The following ELFN2 variants were observed in gnomAD, a reference collection of about 807,000 sequenced individuals.
ELFN2 encodes protein phosphatase 1 regulatory subunit 29.
Under a neutral mutation model 45.5 loss-of-function variants are expected in ELFN2, and 17 were observed. The observed-to-expected ratio is 0.37, with a 90% CI of 0.26 to 0.56. The LOEUF (loss-of-function observed/expected upper bound fraction) is 0.56. Ranked by LOEUF, ELFN2 falls within the 20% of genes least tolerant of loss-of-function variation. The pLI is 0.77. For synonymous variants in ELFN2, 550 were observed against 551.5 expected, an observed-to-expected ratio of 1.00 and a Z score of 0.04; for missense variants, 922 against 1,183.2, an observed-to-expected ratio of 0.78 and a Z score of 3.24.
downstream of ELFN2, among the ~76,000 whole-genome samples, chr22:37,365,013 G>A (rs368441171): frequency 2.2e-4 from 34 of 152,270 alleles, no homozygotes; most frequent in African/African-American, 8.2e-4. Context: ...GGAGCAGGTG[G>A]GGCAGGGGTC....
At chr22:37,381,374 A>G (rs1373633226) in intron 2 of ELFN2, among the ~76,000 whole-genome samples, 3 of 152,052 alleles carry the variant, frequency 2.0e-5, no homozygotes, top group Admixed American at 1.3e-4. Context: ...AGAGATTTCG[A>G]TGTTTCCATC....
chr22:37,354,392 T>C (rs1172307269), intron 1 of ELFN2: 7 of 152,272 alleles, frequency 4.6e-5, no homozygotes, highest in Non-Finnish European at 7.3e-5. Flanking sequence ...ACTTCAGTTA[T>C]AATTAACTTC....
chr22:37,420,463 C>T (rs532186104), intron 1 of ELFN2: 140 of 153,158 alleles, frequency 9.1e-4, no homozygotes, highest in Non-Finnish European at 1.5e-3. Flanking sequence ...CCTCCACCTC[C>T]GCCTCTGGCC....
chr22:37,408,697 G>A (rs1444606334), intron 2 of ELFN2, among the ~76,000 whole-genome samples: 3 of 152,148 alleles, frequency 2.0e-5, no homozygotes, highest in Admixed American at 6.5e-5. Context: ...ACACAGCAAG[G>A]CAGTCAGGTT....
At chr22:37,344,949 C>T (rs6000680) in intron 1 of ELFN2, among the ~76,000 whole-genome samples, 53,124 of 152,004 alleles carry the variant, frequency 0.35, 9,754 homozygotes, top group Non-Finnish European at 0.41. Flanking sequence ...GGGCCCTCCC[C>T]GTTCTCTTCC....
rs771563240 is a variant in ELFN2 at position 37,373,461 on chromosome 22, C to T, written c.2074G>A (p.Gly692Arg). 1.2e-5 allele frequency: 18 copies of T among 1,529,022 alleles called. No individual in the cohort carries two copies. The South Asian group carries it at 1.5e-4, about 12-fold the overall frequency. 94.7% of individuals were successfully genotyped at this position (1,529,022 alleles called of 1,614,324 possible). ...TTCACCTCCAGGTGGTGGATGCCCCCGCCCCCGCCGCTGCCCCCGCCGCTG... is the reference window on the plus strand; with the variant it reads ...TTCACCTCCAGGTGGTGGATGCCCCTGCCCCCGCCGCTGCCCCCGCCGCTG... ...AGSGGGSGGG[G>R]GIHHLEVKPA... The change falls in exon 3 of 3, where the codon GGG (glycine) becomes AGG (arginine). Residue 692 changes from glycine (G) to arginine (R), a missense_variant. Gly to Arg is a moderately radical substitution (Grantham distance 125, BLOSUM62 -2). Transcript: ENST00000402918.
chr22:37,388,817 G>A (rs368759341), intron 2 of ELFN2, among the ~76,000 whole-genome samples: 2 of 152,322 alleles, frequency 1.3e-5, no homozygotes, highest in East Asian at 3.9e-4. Context: ...GAGGGTGGCT[G>A]ATAGGGCAGA....
chr22:37,379,056 G>A (rs1371101654), intron 2 of ELFN2, among the ~76,000 whole-genome samples: 1 of 152,254 alleles, frequency 6.6e-6, no homozygotes, highest in African/African-American at 2.4e-5. Context: ...GAGACGGGAA[G>A]AAGGGGGTGC....
chr22:37,361,411 G>A (rs368954051), intron 1 of ELFN2, among the ~76,000 whole-genome samples: 1 of 144,290 alleles, frequency 6.9e-6, no homozygotes, highest in Non-Finnish European at 1.5e-5. Flanking sequence ...AGAAGTTCCT[G>A]CCAGCCCCAC....
intron 2 of ELFN2, among the ~76,000 whole-genome samples, chr22:37,392,119 G>A (rs1932099934): frequency 6.6e-6 from 1 of 152,122 alleles, no homozygotes; most frequent in African/African-American, 2.4e-5. Flanking sequence ...CCATCTTAAG[G>A]GAATTTAACT....
rs1391890750 is a variant in ELFN2 at position 37,417,217 on chromosome 22, A to G, written c.-463+552T>C. ...CCTGTCTGCCTGTTTGCGGCCTCCT[A>G]GTGCCAGACGGCTCTCCCTGTGCCT... On this transcript the variant is annotated intron_variant, in intron 2 of 2. Transcript: ENST00000402918. This position sits in a 1 kb window ranked among gnomAD's most constrained non-coding sequence, Gnocchi z 4.5. Among the ~76,000 whole-genome samples the G allele has an allele frequency of 6.6e-6, 1 of 152,090 alleles. No individual in the cohort carries two copies. The highest frequency in any genetic ancestry group is 1.9e-4 in the East Asian group (1 of 5,188).
chr22:37,364,269 G>A (rs573881685), downstream of ELFN2, among the ~76,000 whole-genome samples: 5 of 152,324 alleles, frequency 3.3e-5, no homozygotes, highest in South Asian at 1.0e-3. Flanking sequence ...CAGGGTGGTG[G>A]CGGCAGCAAG....
chr22:37,364,824 C>T (rs893835260), downstream of ELFN2, among the ~76,000 whole-genome samples: 5 of 152,210 alleles, frequency 3.3e-5, no homozygotes, highest in Admixed American at 6.5e-5. Context: ...TGGGGCTGGG[C>T]GGTGGGCCCC....
intron 1 of ELFN2, among the ~76,000 whole-genome samples, chr22:37,423,880 C>T (rs980821743): frequency 1.3e-5 from 2 of 152,084 alleles, no homozygotes; most frequent in East Asian, 3.9e-4. Flanking sequence ...CAGACACCAT[C>T]TCCAGTAATA....
At chr22:37,350,300 T>C (rs1049583317) in intron 1 of ELFN2, among the ~76,000 whole-genome samples, 2 of 150,876 alleles carry the variant, frequency 1.3e-5, no homozygotes, top group Non-Finnish European at 3.0e-5. Context: ...TCAGTTTTGT[T>C]CCTGGAGGCA....
At chr22:37,425,005 A>G (rs950070715) in intron 1 of ELFN2, among the ~76,000 whole-genome samples, 2 of 151,000 alleles carry the variant, frequency 1.3e-5, no homozygotes, top group Admixed American at 6.6e-5. Context: ...CCCTCACCCC[A>G]TGTTACAGAG....
intron 1 of ELFN2, among the ~76,000 whole-genome samples, chr22:37,361,023 T>C (rs944001991): frequency 2.0e-5 from 3 of 152,082 alleles, no homozygotes; most frequent in Non-Finnish European, 4.4e-5. Flanking sequence ...TTCCCGCCTT[T>C]AACCCTCACC....
intron 1 of ELFN2, 191 bp downstream of exon 1, chr22:37,427,107 C>CG (rs2145698507): frequency 6.6e-6 from 1 of 152,418 alleles, no homozygotes; most frequent in South Asian, 1.9e-4. Context: ...GGTGGTCCCC[C>CG]GGGGGTCTCA....
downstream of ELFN2, among the ~76,000 whole-genome samples, chr22:37,367,583 C>A (rs1414129147): frequency 6.6e-6 from 1 of 152,194 alleles, no homozygotes; most frequent in Non-Finnish European, 1.5e-5. Flanking sequence ...TCTAGTAATG[C>A]CCCCACATGG....
Sources: allele counts gnomAD v4.1 joint callset (sites outside exome capture counted in the v4.1 genomes callset), GRCh38; gene constraint gnomAD v4.1.1; non-coding constraint Gnocchi (gnomAD v3.1); transcripts MANE v1.5; gene names NCBI Gene and HGNC (gene_info 2026-07-23, HGNC 2026-07-21).